ARHGEF10L: variants seen among roughly 807,000 people sequenced by gnomAD.
ARHGEF10L encodes Rho guanine nucleotide exchange factor 10 like.
Under a neutral mutation model 141.2 loss-of-function variants are expected in ARHGEF10L, and 69 were observed. That is an observed-to-expected ratio of 0.49 (90% CI 0.40 to 0.60). The LOEUF (loss-of-function observed/expected upper bound fraction) is 0.60. Among genes scored for constraint, ARHGEF10L ranks in the 20% least tolerant of loss-of-function variants. The pLI is 0.00. For missense variants in ARHGEF10L, 1,482 were observed against 1,734.3 expected (o/e 0.85, Z 2.58); for synonymous variants, 711 against 718.5 (o/e 0.99, Z 0.17).
At chr1:17,684,474 A>G (rs1403871510) in intron 26 of ARHGEF10L, among the ~76,000 whole-genome samples, 1 of 152,096 alleles carries the variant, frequency 6.6e-6, no homozygotes, top group East Asian at 1.9e-4. Flanking sequence ...CCCAAAAATC[A>G]GAGGCTCTGA....
chr1:17,634,361 C>A (rs2060873494), intron 16 of ARHGEF10L, 187 bp from the exon 17 acceptor site: 1 of 867,132 alleles, frequency 1.2e-6, no homozygotes, highest in African/African-American at 1.7e-5. Flanking sequence ...TTGTGAGACC[C>A]AGAGATGAAG....
Position 17,603,512 on chromosome 1 carries a change from C to T in ARHGEF10L, c.354C>T (p.Asp118=), listed in dbSNP as rs755722777. Residue 118 remains aspartate (D), a synonymous_variant, in exon 6 of 29, where the codon GAC becomes GAT. Transcript: ENST00000361221. This position sits in a 1 kb window ranked among gnomAD's most constrained non-coding sequence, Gnocchi z 4.8. ...SWKRKSSRRI[D]RFTFPALEED... ...CTCTCCCCACTTCCCTCCCAGTTGACCGGTTCACTTTCCCCGCCCTGGAAG... is the reference window on the plus strand; with the variant it reads ...CTCTCCCCACTTCCCTCCCAGTTGATCGGTTCACTTTCCCCGCCCTGGAAG... The T allele has an allele frequency of 3.7e-5, 59 of 1,613,294 alleles. No individual in the cohort carries two copies. The highest frequency in any genetic ancestry group is 2.1e-4 in the South Asian group (19 of 90,828).
rs1239957510 is a variant in ARHGEF10L, at chr1:17,623,484, G to C, written c.1200+309G>C. 6.6e-6 allele frequency among the ~76,000 whole-genome samples: 1 copy of C among 152,134 alleles called. No homozygotes were observed. Among genetic ancestry groups the C allele is most frequent in the Non-Finnish European group, 1.5e-5 (1 of 68,036 alleles). ...TGGGCAGCCACCTGGCCGGTCACAA[G>C]CTCTCTTACCGAGCACTTGAGGGGT... On this transcript the variant is annotated intron_variant, in intron 12 of 28. Transcript: ENST00000361221. This position sits in a 1 kb window ranked among gnomAD's most constrained non-coding sequence, Gnocchi z 4.7.
At position 17,631,345 on chromosome 1, in the gene ARHGEF10L, A is replaced by AG. The variant is rs887750480; in HGVS notation, c.1585-969dup. On this transcript the variant is annotated intron_variant, in intron 15 of 28. Coordinates refer to ENST00000361221, the MANE Select transcript of ARHGEF10L (RefSeq NM_018125.4). ...ATGGGTTGGTGGCCCTGACACTAGC[A>AG]GGGGGGGTCTTGACATCCAGCCTGA... 3.7e-4 allele frequency among the ~76,000 whole-genome samples: 56 copies of AG among 152,082 alleles called. 1 individual carries two copies. The highest frequency in any genetic ancestry group is 8.8e-5 in the Non-Finnish European group (6 of 67,988).
At chr1:17,561,479 C>A (rs1458069282) in intron 1 of ARHGEF10L, among the ~76,000 whole-genome samples, 1 of 152,236 alleles carries the variant, frequency 6.6e-6, no homozygotes. Flanking sequence ...GAGCCCTCTG[C>A]AGTTCTGAGT....
intron 22 of ARHGEF10L, among the ~76,000 whole-genome samples, chr1:17,653,456 G>A (rs1023316349): frequency 3.3e-5 from 5 of 151,882 alleles, no homozygotes; most frequent in African/African-American, 1.2e-4. Flanking sequence ...AGTTGCCATG[G>A]AAATGCCTCA....
Position 17,580,635 on chromosome 1 carries a change from A to G in ARHGEF10L, c.37+3A>G. 6.2e-7 allele frequency: 1 copy of G among 1,614,102 alleles called. No homozygotes were observed. The highest frequency in any genetic ancestry group is 8.5e-7 in the Non-Finnish European group (1 of 1,180,008). ...CCCTCCTCCACAGCCTGCCATAGGT[A>G]CCGTACCCAGGGCTTCCTGTCCCTC... On this transcript the variant is annotated splice_donor_region_variant and intron_variant, in intron 2 of 28. Coordinates refer to ENST00000361221, the MANE Select transcript of ARHGEF10L (RefSeq NM_018125.4).
Position 17,615,771 on chromosome 1 carries a change from C to T in ARHGEF10L, c.727-323C>T. On this transcript the variant is annotated intron_variant, in intron 8 of 28. Transcript: ENST00000361221. This position sits in a 1 kb window ranked among gnomAD's most constrained non-coding sequence, Gnocchi z 4.7. ...CAGAGTCATGCCATTGGCGGGTGGC[C>T]CAGGGCTCCAGGTCTCCAGCACCCC... is the stretch of plus-strand genomic sequence containing the variant. 4.2e-6 allele frequency: 1 copy of T among 238,814 alleles called. No individual in the cohort carries two copies. The highest frequency in any genetic ancestry group is 9.0e-5 in the South Asian group (1 of 11,158). The allele number at this position is 238,814 out of a possible 1,614,324, so 14.8% of individuals were successfully genotyped here.
chr1:17,639,518 G>A lies in ARHGEF10L; in HGVS notation c.2172-684G>A, dbSNP rs569473669. ...AGGAGTCAGCAGCTTTGAATCTGCC[G>A]CCTCCCTGTTGAGTGGCCTGTCCGT... On this transcript the variant is annotated intron_variant, in intron 20 of 28. Coordinates refer to ENST00000361221, the MANE Select transcript of ARHGEF10L (RefSeq NM_018125.4). This position sits in a 1 kb window ranked among gnomAD's most constrained non-coding sequence, Gnocchi z 4.3. Among the ~76,000 whole-genome samples the A allele has an allele frequency of 3.3e-5, 5 of 151,960 alleles. No homozygotes were observed. The highest frequency in any genetic ancestry group is 3.9e-4 in the East Asian group (2 of 5,104).
At chr1:17,574,094 G>A (rs574972491) in intron 1 of ARHGEF10L, among the ~76,000 whole-genome samples, 144 of 152,258 alleles carry the variant, frequency 9.5e-4, no homozygotes, top group African/African-American at 3.2e-3. Context: ...CTGCAGGGTT[G>A]AGGAGGGTCT....
chr1:17,645,069 G>A (rs1268107245), intron 21 of ARHGEF10L, among the ~76,000 whole-genome samples: 2 of 152,148 alleles, frequency 1.3e-5, no homozygotes, highest in African/African-American at 4.8e-5. Context: ...CCCTGGAGCT[G>A]CTCCCTGTGT....
intron 6 of ARHGEF10L, among the ~76,000 whole-genome samples, chr1:17,604,287 G>A (rs1037642486): frequency 6.6e-6 from 1 of 152,086 alleles, no homozygotes; most frequent in African/African-American, 2.4e-5. Flanking sequence ...ACCCCAGGAG[G>A]ATTTCTGTGG....
chr1:17,583,469 G>A (rs185133464), intron 2 of ARHGEF10L, among the ~76,000 whole-genome samples: 35 of 152,288 alleles, frequency 2.3e-4, no homozygotes, highest in African/African-American at 7.7e-4. Flanking sequence ...TGGTGAGCAC[G>A]CACCCTGCAC....
upstream of ARHGEF10L, among the ~76,000 whole-genome samples, chr1:17,537,310 G>A (rs931111156): frequency 2.6e-5 from 4 of 152,182 alleles, no homozygotes; most frequent in Admixed American, 2.6e-4. Context: ...TTATGAGCAG[G>A]TGGTTTGGAA....
rs1164042756 is a variant in ARHGEF10L at position 17,619,489 on chromosome 1, G to T, written c.942+44G>T. On this transcript the variant is annotated intron_variant, in intron 10 of 28. Transcript: ENST00000361221. The surrounding 1 kb of genome is among the most constrained non-coding windows in gnomAD (Gnocchi z 5.0). ...CAGGTGGGGGTCTGCAGGGGAAGGG[G>T]TGGCTTGGGGGTTCCAGCCTGTTCT... is the stretch of plus-strand genomic sequence containing the variant. 1 of 1,451,222 alleles carries T rather than the reference G, an allele frequency of 6.9e-7. No individual in the cohort carries two copies. The highest frequency in any genetic ancestry group is 9.4e-7 in the Non-Finnish European group (1 of 1,068,968). 89.9% of individuals were successfully genotyped at this position (1,451,222 alleles called of 1,614,324 possible). A position where few individuals can be genotyped will look rare whatever the true frequency, so the allele number is the denominator to read the frequency against.
chr1:17,628,465 C>T (rs1183402038), intron 15 of ARHGEF10L, among the ~76,000 whole-genome samples: 2 of 152,204 alleles, frequency 1.3e-5, no homozygotes, highest in East Asian at 1.9e-4. Context: ...CAGCACATGA[C>T]ATGAACTGCC....
chr1:17,646,106 G>T (rs914729618), intron 21 of ARHGEF10L, among the ~76,000 whole-genome samples: 2 of 152,224 alleles, frequency 1.3e-5, no homozygotes. Context: ...GACTCAGGCC[G>T]GAGGGTGTGA....
At chr1:17,686,129 G>A (rs1283428938) in intron 26 of ARHGEF10L, among the ~76,000 whole-genome samples, 2 of 142,624 alleles carry the variant, frequency 1.4e-5, no homozygotes, top group Non-Finnish European at 3.0e-5. Flanking sequence ...ATTTTCTGTA[G>A]CATTCACATT....
Position 17,542,941 on chromosome 1 carries a change from G to A in ARHGEF10L, c.-44+2991G>A, listed in dbSNP as rs75668040. Among the ~76,000 whole-genome samples, 1,082 of 152,302 alleles carry A rather than the reference G, an allele frequency of 7.1e-3. 16 individuals carry two copies. The highest frequency in any genetic ancestry group is 0.041 in the East Asian group (213 of 5,192). On this transcript the variant is annotated intron_variant, in intron 1 of 28. Coordinates refer to ENST00000361221, the MANE Select transcript of ARHGEF10L (RefSeq NM_018125.4). Reference sequence around the variant, plus strand: ...TCACCCGGCTAGACAAGGGTGAATGGGCCACTGTTCTTGCCCTCAAGGGGT... The same window carrying A: ...TCACCCGGCTAGACAAGGGTGAATGAGCCACTGTTCTTGCCCTCAAGGGGT...
Sources: gnomAD v4.1 joint callset for allele counts (sites outside exome capture counted in the v4.1 genomes callset) on GRCh38, gnomAD v4.1.1 for gene constraint, Gnocchi (gnomAD v3.1) non-coding constraint, MANE v1.5 for transcripts, NCBI Gene and HGNC (gene_info 2026-07-23, HGNC 2026-07-21) for gene names.